The following MAMDC2 variants were observed in gnomAD, a reference collection of about 807,000 sequenced individuals.
The protein encoded by MAMDC2 is MAM domain-containing protein 2.
In MAMDC2, 57 loss-of-function variants were observed where a neutral mutation model predicts 89.8. The ratio of observed to expected loss-of-function variants is 0.63; its 90% confidence interval spans 0.51 to 0.79. The LOEUF (loss-of-function observed/expected upper bound fraction) is 0.79, where lower values mean the gene tolerates loss of function less well. MAMDC2 is among the 30% of genes least tolerant of loss of function. The probability of loss-of-function intolerance (pLI) is 0.00; values close to 1 mark genes in which losing one functional copy is unlikely to be tolerated. For synonymous variants in MAMDC2, 313 were observed against 293.4 expected, an observed-to-expected ratio of 1.07 and a Z score of -0.68; for missense variants, 800 against 820.6, an observed-to-expected ratio of 0.97 and a Z score of 0.31.
intron 11 of MAMDC2, among the ~76,000 whole-genome samples, chr9:70,190,248 GTTGTTT>G (rs1028062245): frequency 6.6e-6 from 1 of 152,046 alleles, no homozygotes. Flanking sequence ...ATTGCTGTTT[GTTGTTT>G]TTGTTTTTGT....
intron 11 of MAMDC2, among the ~76,000 whole-genome samples, chr9:70,190,191 A>G (rs570152430): frequency 6.6e-6 from 1 of 152,076 alleles, no homozygotes; most frequent in Admixed American, 6.6e-5. Context: ...GGACGTTTTG[A>G]ATAATACAGT....
At chr9:70,129,251 T>A (rs1364448763) in intron 6 of MAMDC2, among the ~76,000 whole-genome samples, 1 of 152,176 alleles carries the variant, frequency 6.6e-6, no homozygotes, top group Non-Finnish European at 1.5e-5. Context: ...ATAAGTCTCA[T>A]AAGATCTGAC....
chr9:70,164,828 T>C (rs2032111778), intron 9 of MAMDC2, among the ~76,000 whole-genome samples: 1 of 151,872 alleles, frequency 6.6e-6, no homozygotes, highest in South Asian at 2.1e-4. Context: ...TTTGTAGAGA[T>C]GGAACCTCTC....
chr9:70,067,525 C>T (rs978516972), intron 2 of MAMDC2, among the ~76,000 whole-genome samples: 1 of 152,156 alleles, frequency 6.6e-6, no homozygotes, highest in African/African-American at 2.4e-5. Flanking sequence ...AAAGGTTGCC[C>T]ATATCCCTAC....
intron 2 of MAMDC2, chr9:70,105,786 T>C (rs1290714058): frequency 6.6e-6 from 1 of 152,098 alleles, no homozygotes; most frequent in Non-Finnish European, 1.5e-5. Flanking sequence ...TGAGAGAGAA[T>C]GTCAAGAGAA....
At chr9:70,160,789 A>G (rs557307565) in intron 9 of MAMDC2, among the ~76,000 whole-genome samples, 21 of 152,294 alleles carry the variant, frequency 1.4e-4, no homozygotes, top group African/African-American at 4.8e-4. Context: ...ATCAGCCACA[A>G]TCTATGTAAG....
At position 70,168,686 on chromosome 9, in the gene MAMDC2, T is replaced by C. The variant is rs937674624; in HGVS notation, c.1405-16T>C. ...TCAGTTAACAGAATTCATAGCTTTATTTTTATGAATTTCAGGTGGTTTTCA... is the reference window on the plus strand; with the variant it reads ...TCAGTTAACAGAATTCATAGCTTTACTTTTATGAATTTCAGGTGGTTTTCA... On this transcript the variant is annotated splice_polypyrimidine_tract_variant and intron_variant, in intron 9 of 13. Transcript: ENST00000377182. The C allele has an allele frequency of 6.2e-7, 1 of 1,604,142 alleles. No homozygotes were observed. The highest frequency in any genetic ancestry group is 1.3e-5 in the African/African-American group (1 of 74,664).
At chr9:70,103,925 T>G (rs1828265571) in intron 2 of MAMDC2, among the ~76,000 whole-genome samples, 1 of 150,338 alleles carries the variant, frequency 6.7e-6, no homozygotes, top group East Asian at 2.0e-4. Context: ...GAGGTTGCAG[T>G]GAGCCGAGAT....
chr9:70,044,045 TG>T lies in MAMDC2; in HGVS notation c.-150del. The T allele has an allele frequency of 1.2e-6, 1 of 847,586 alleles. No homozygotes were observed. The highest frequency in any genetic ancestry group is 1.9e-6 in the Non-Finnish European group (1 of 537,774). 52.5% of individuals were successfully genotyped at this position (847,586 alleles called of 1,614,324 possible). ...GGCTCCGGGAGCCGCTCTGCAAAGTTGGGCAGCTCAGAGCGCAAGCTTTGCC... is the reference window on the plus strand; with the variant it reads ...GGCTCCGGGAGCCGCTCTGCAAAGTTGGCAGCTCAGAGCGCAAGCTTTGCC... On this transcript the variant is annotated 5_prime_UTR_variant, in exon 1 of 14. Transcript: ENST00000377182.
At position 70,099,044 on chromosome 9, in the gene MAMDC2, A is replaced by G. The variant is rs1323843309; in HGVS notation, c.149-9167A>G. On this transcript the variant is annotated intron_variant, in intron 2 of 13. Coordinates refer to ENST00000377182, the MANE Select transcript of MAMDC2 (RefSeq NM_153267.5). Reference sequence around the variant, plus strand: ...TATAATTAGCGATTTATTAAACAACACAAAATAATAGTAAAATTGGAAACT... The same window carrying G: ...TATAATTAGCGATTTATTAAACAACGCAAAATAATAGTAAAATTGGAAACT... 2.0e-5 allele frequency among the ~76,000 whole-genome samples: 3 copies of G among 152,250 alleles called. No homozygotes were observed. The East Asian group carries it at 5.8e-4, about 29-fold the overall frequency.
At chr9:70,129,307 C>T (rs189804793) in intron 6 of MAMDC2, among the ~76,000 whole-genome samples, 1 of 152,308 alleles carries the variant, frequency 6.6e-6, no homozygotes, top group Admixed American at 6.5e-5. Context: ...CTTCTCTTCT[C>T]TTTGCCTGCT....
intron 11 of MAMDC2, among the ~76,000 whole-genome samples, chr9:70,197,068 GGT>G (rs1319227087): frequency 3.2e-4 from 8 of 25,220 alleles, no homozygotes; most frequent in African/African-American, 5.4e-4. Context: ...AAAATGTTCA[GGT>G]TGTTATTGCC....
intron 2 of MAMDC2, among the ~76,000 whole-genome samples, chr9:70,100,011 A>AGAGAGAGC (rs1828134662): frequency 2.3e-5 from 3 of 132,276 alleles, no homozygotes; most frequent in East Asian, 2.0e-4. Context: ...AGAGAGAGAG[A>AGAGAGAGC]GAGAGAGAGA....
intron 6 of MAMDC2, among the ~76,000 whole-genome samples, chr9:70,127,540 C>T (rs1261808277): frequency 6.6e-6 from 1 of 151,916 alleles, no homozygotes; most frequent in Non-Finnish European, 1.5e-5. Flanking sequence ...CAGATTATTC[C>T]TCTGGATGGG....
chr9:70,225,639 G>A, intron 12 of MAMDC2, 111 bp from the exon 13 acceptor site: 1 of 596,456 alleles, frequency 1.7e-6, no homozygotes, highest in Admixed American at 3.0e-5. Flanking sequence ...TTCCTTAAAG[G>A]GATCCTCAAG....
intron 2 of MAMDC2, among the ~76,000 whole-genome samples, chr9:70,081,157 CAG>C (rs1827643366): frequency 6.6e-6 from 1 of 151,928 alleles, no homozygotes; most frequent in East Asian, 1.9e-4. Flanking sequence ...CTTGATGGGA[CAG>C]GGAAGGGGAA....
intron 11 of MAMDC2, among the ~76,000 whole-genome samples, chr9:70,212,532 T>C (rs1403293455): frequency 1.3e-5 from 2 of 152,200 alleles, no homozygotes; most frequent in Non-Finnish European, 2.9e-5. Flanking sequence ...TTGTCACGGC[T>C]TCCCTTGGCT....
chr9:70,171,499 G>GA (rs1173746741), intron 11 of MAMDC2, among the ~76,000 whole-genome samples: 2 of 151,840 alleles, frequency 1.3e-5, no homozygotes, highest in East Asian at 1.9e-4. Context: ...GCCCTGTCTC[G>GA]AAAAAAATAA....
chr9:70,133,104 A>C (rs1022840473), intron 7 of MAMDC2, among the ~76,000 whole-genome samples: 2 of 152,208 alleles, frequency 1.3e-5, no homozygotes, highest in African/African-American at 4.8e-5. Flanking sequence ...AATTACATTC[A>C]TAGTAATTTT....
Sources: allele counts gnomAD v4.1 joint callset (sites outside exome capture counted in the v4.1 genomes callset), GRCh38; gene constraint gnomAD v4.1.1; transcripts MANE v1.5; gene names NCBI Gene and HGNC (gene_info 2026-07-23, HGNC 2026-07-21).